Variants in GRIK4 observed in about 807,000 individuals in gnomAD.
GRIK4 encodes glutamate receptor ionotropic, kainate 4.
In GRIK4, 40 loss-of-function variants were observed where a neutral mutation model predicts 104.9. That is an observed-to-expected ratio of 0.38 (90% CI 0.30 to 0.50). The LOEUF is 0.50. Ranked by LOEUF, GRIK4 falls within the 20% of genes least tolerant of loss-of-function variation. The probability of loss-of-function intolerance (pLI) is 0.93; values close to 1 mark genes in which losing one functional copy is unlikely to be tolerated. For synonymous variants in GRIK4, 485 were observed against 524.9 expected (o/e 0.92, Z 1.04); for missense variants, 1,047 against 1,308.1 (o/e 0.80, Z 3.08).
chr11:120,874,950 G>A (rs1954739180), intron 10 of GRIK4, among the ~76,000 whole-genome samples, 189 bp from the exon 11 acceptor site: 1 of 152,188 alleles, frequency 6.6e-6, no homozygotes, highest in Non-Finnish European at 1.5e-5. Flanking sequence ...GCCAAGCCAA[G>A]TCTGAATTGT....
chr11:120,687,917 A>AT (rs2135302561), intron 3 of GRIK4, among the ~76,000 whole-genome samples: 1 of 152,244 alleles, frequency 6.6e-6, no homozygotes, highest in South Asian at 2.1e-4. Context: ...TTCGGCTGAG[A>AT]TTTTTTGGCC....
chr11:120,717,679 C>G (rs980404469), intron 3 of GRIK4, among the ~76,000 whole-genome samples: 3 of 152,124 alleles, frequency 2.0e-5, no homozygotes, highest in African/African-American at 7.2e-5. Context: ...CCTGCATCAC[C>G]AAGGTGAGGA....
rs2134821707 is a variant in GRIK4 at position 120,986,486 on chromosome 11, A to G, written c.*226A>G. 1.8e-6 allele frequency: 1 copy of G among 561,514 alleles called. No individual in the cohort carries two copies. Among genetic ancestry groups the G allele is most frequent in the East Asian group, 3.7e-5 (1 of 27,324 alleles). 34.8% of individuals were successfully genotyped at this position (561,514 alleles called of 1,614,324 possible). ...AAACGTTGCACCCAAAGGGCAAAGG[A>G]CGGCCCTCCCTCCTGGGCACAAGGA... On this transcript the variant is annotated 3_prime_UTR_variant, in exon 21 of 21. Transcript: ENST00000527524.
intron 9 of GRIK4, among the ~76,000 whole-genome samples, chr11:120,866,722 A>G (rs116583084): frequency 7.2e-5 from 11 of 152,160 alleles, no homozygotes; most frequent in Admixed American, 5.9e-4. Context: ...GGGCCTCAGG[A>G]CTGCAGCTGG....
chr11:120,641,078 C>G (rs1385875038), intron 1 of GRIK4, among the ~76,000 whole-genome samples: 4 of 152,254 alleles, frequency 2.6e-5, no homozygotes, highest in Non-Finnish European at 5.9e-5. Flanking sequence ...AGGCTTTGAA[C>G]TTCGTGGCAT....
At chr11:120,661,423 C>A (rs958527942) in intron 3 of GRIK4, among the ~76,000 whole-genome samples, 1 of 152,210 alleles carries the variant, frequency 6.6e-6, no homozygotes, top group Non-Finnish European at 1.5e-5. Flanking sequence ...CCACATGAGG[C>A]CCCTCTTCCC....
At chr11:120,801,945 T>A (rs539248066) in intron 3 of GRIK4, among the ~76,000 whole-genome samples, 1 of 152,328 alleles carries the variant, frequency 6.6e-6, no homozygotes, top group South Asian at 2.1e-4. Context: ...TGTGATACCA[T>A]AACATTTATC....
chr11:120,877,257 A>C (rs958991554), intron 11 of GRIK4, among the ~76,000 whole-genome samples: 3 of 152,202 alleles, frequency 2.0e-5, no homozygotes, highest in Admixed American at 2.0e-4. Context: ...TGGTCATTTT[A>C]TTCATCTAAC....
chr11:120,645,099 T>C (rs1949524722), intron 1 of GRIK4, among the ~76,000 whole-genome samples: 1 of 151,562 alleles, frequency 6.6e-6, no homozygotes, highest in African/African-American at 2.4e-5. Flanking sequence ...TCTGTGTGGA[T>C]GTGTGATATG....
At chr11:120,563,876 C>G (rs569559132) in intron 1 of GRIK4, among the ~76,000 whole-genome samples, 1 of 152,298 alleles carries the variant, frequency 6.6e-6, no homozygotes, top group Admixed American at 6.5e-5. Context: ...GGTTGTGCCT[C>G]CACGCCCGCT....
intron 1 of GRIK4, among the ~76,000 whole-genome samples, chr11:120,617,442 C>T (rs914382383): frequency 1.1e-4 from 16 of 152,042 alleles, no homozygotes; most frequent in African/African-American, 2.4e-4. Flanking sequence ...TGCAATGGCA[C>T]GATCTCAGCT....
intron 8 of GRIK4, among the ~76,000 whole-genome samples, chr11:120,843,024 G>A (rs561229181): frequency 1.6e-4 from 25 of 152,376 alleles, no homozygotes; most frequent in African/African-American, 5.8e-4. Flanking sequence ...AGCATAGGTG[G>A]GCCCTGTGCC....
chr11:120,803,274 C>T (rs573220397), intron 4 of GRIK4, among the ~76,000 whole-genome samples: 41 of 152,312 alleles, frequency 2.7e-4, no homozygotes, highest in Admixed American at 2.0e-3. Flanking sequence ...GTGGGAGAAA[C>T]TGGGACTTGG....
At chr11:120,747,090 A>C (rs1951453665) in intron 3 of GRIK4, among the ~76,000 whole-genome samples, 1 of 152,194 alleles carries the variant, frequency 6.6e-6, no homozygotes, top group African/African-American at 2.4e-5. Context: ...CTGAAATAAC[A>C]GGTGCGTGCT....
intron 3 of GRIK4, among the ~76,000 whole-genome samples, chr11:120,683,007 T>A (rs1465834580): frequency 6.6e-6 from 1 of 152,182 alleles, no homozygotes. Flanking sequence ...CTCTCTCTTG[T>A]TGCTTATACC....
At chr11:120,974,850 G>C (rs1944535237) in intron 19 of GRIK4, among the ~76,000 whole-genome samples, 1 of 152,180 alleles carries the variant, frequency 6.6e-6, no homozygotes, top group African/African-American at 2.4e-5. Flanking sequence ...ATTCCAAGCT[G>C]TTTCATTTTC....
intron 4 of GRIK4, among the ~76,000 whole-genome samples, chr11:120,805,476 A>G (rs1305785975): frequency 1.3e-5 from 2 of 152,322 alleles, no homozygotes; most frequent in African/African-American, 4.8e-5. Flanking sequence ...AATAAAGGAA[A>G]CAGGTATCTT....
intron 1 of GRIK4, among the ~76,000 whole-genome samples, chr11:120,535,497 T>C (rs1232010204): frequency 6.6e-6 from 1 of 151,042 alleles, no homozygotes; most frequent in African/African-American, 2.4e-5. Context: ...GGCAGGGAGG[T>C]GACACTGTCC....
chr11:120,944,880 A>G (rs566841084), intron 14 of GRIK4, among the ~76,000 whole-genome samples: 2 of 151,802 alleles, frequency 1.3e-5, no homozygotes, highest in African/African-American at 2.4e-5. Context: ...ATGAGAATAC[A>G]TATGTAATAC....
Sources: allele counts gnomAD v4.1 joint callset (sites outside exome capture counted in the v4.1 genomes callset), GRCh38; gene constraint gnomAD v4.1.1; transcripts MANE v1.5; gene names NCBI Gene and HGNC (gene_info 2026-07-23, HGNC 2026-07-21).